FAAP20: variants seen among roughly 807,000 people sequenced by gnomAD.
The protein encoded by FAAP20 is FA core complex associated protein 20.
FAAP20 carries 12 observed loss-of-function variants against 16.2 expected under a neutral mutation model. That is an observed-to-expected ratio of 0.74 (90% CI 0.48 to 1.20). FAAP20 has a LOEUF of 1.20. Ranked by LOEUF, FAAP20 falls within the 50% of genes most tolerant of loss-of-function variation. The probability of loss-of-function intolerance (pLI) is 0.00; values close to 1 mark genes in which losing one functional copy is unlikely to be tolerated. For synonymous variants in FAAP20, 141 were observed against 110.7 expected, an observed-to-expected ratio of 1.27 and a Z score of -1.72; for missense variants, 288 against 245.8, an observed-to-expected ratio of 1.17 and a Z score of -1.15.
chr1:2,203,016 G>C (rs1689106975), upstream of FAAP20, among the ~76,000 whole-genome samples: 1 of 152,194 alleles, frequency 6.6e-6, no homozygotes, highest in African/African-American at 2.4e-5. Context: ...CTGGTGACTG[G>C]ACAACAGTGC....
chr1:2,188,471 G>A (rs957182443), downstream of FAAP20, among the ~76,000 whole-genome samples: 2 of 152,136 alleles, frequency 1.3e-5, no homozygotes, highest in Non-Finnish European at 2.9e-5. Context: ...TCCAGAGGAC[G>A]GCCCTCTTCT....
chr1:2,211,260 G>A (rs544180709), downstream of FAAP20, among the ~76,000 whole-genome samples: 10 of 121,428 alleles, frequency 8.2e-5, no homozygotes, highest in South Asian at 2.1e-3. Flanking sequence ...ACGGAGTTTC[G>A]CTCTTGTTGC....
chr1:2,197,928 G>A (rs578141703), upstream of FAAP20: 16 of 1,226,526 alleles, frequency 1.3e-5, no homozygotes, highest in East Asian at 8.2e-4. Flanking sequence ...ACAGCTGCCT[G>A]CCAGCCGAGG....
chr1:2,201,126 G>C (rs2100735411), upstream of FAAP20: 1 of 1,286,076 alleles, frequency 7.8e-7, no homozygotes, highest in African/African-American at 1.5e-5. Flanking sequence ...GTGAACTGTG[G>C]GCTCCAACCC....
chr1:2,187,246 C>T (rs762004076), downstream of FAAP20: 3 of 443,732 alleles, frequency 6.8e-6, no homozygotes, highest in Non-Finnish European at 1.4e-5. Flanking sequence ...TCATTAAAAG[C>T]AGGTGTTTCC....
chr1:2,201,386 GTCT>G (rs1689042134), upstream of FAAP20, among the ~76,000 whole-genome samples: 2 of 152,202 alleles, frequency 1.3e-5, no homozygotes, highest in African/African-American at 4.8e-5. Flanking sequence ...GGGGGCTTAG[GTCT>G]TCTTTGTTCA....
chr1:2,204,856 G>C (rs1190538156), upstream of FAAP20, among the ~76,000 whole-genome samples: 1 of 150,738 alleles, frequency 6.6e-6, no homozygotes. Flanking sequence ...TTCCTCTGCC[G>C]GACCCTCCTC....
chr1:2,192,399 G>A, intron 3 of FAAP20: 1 of 994,658 alleles, frequency 1.0e-6, no homozygotes, highest in Non-Finnish European at 1.2e-6. Context: ...AATTGAGGCA[G>A]TCTGCCAAGC....
chr1:2,198,704 A>G, upstream of FAAP20: 2 of 1,257,798 alleles, frequency 1.6e-6, no homozygotes, highest in Non-Finnish European at 2.1e-6. Context: ...ACCCCTTCCC[A>G]TGTGGCTAAA....
chr1:2,186,334 C>T (rs541380936), downstream of FAAP20: 48 of 220,474 alleles, frequency 2.2e-4, no homozygotes, highest in East Asian at 6.2e-3. Context: ...AGCAGGTGAG[C>T]GTGGCCCACC....
downstream of FAAP20, chr1:2,185,016 G>A (rs80119748): frequency 1.1e-5 from 17 of 1,607,852 alleles, no homozygotes; most frequent in Admixed American, 6.7e-5. Flanking sequence ...GTGAGGCCGC[G>A]TGCGTCTCTG....
chr1:2,186,243 C>T, downstream of FAAP20: 1 of 283,186 alleles, frequency 3.5e-6, no homozygotes, highest in South Asian at 2.9e-5. Context: ...CATTGTGCGG[C>T]TGGTGGCTTG....
At chr1:2,210,540 A>G (rs1350357528), downstream of FAAP20, among the ~76,000 whole-genome samples, 1 of 152,102 alleles carries the variant, frequency 6.6e-6, no homozygotes, top group Non-Finnish European at 1.5e-5. Context: ...ATGAGACCCC[A>G]GCAACCCCCC....
chr1:2,192,858 T>A (rs933631281), intron 3 of FAAP20: 3 of 1,285,866 alleles, frequency 2.3e-6, no homozygotes, highest in Non-Finnish European at 3.1e-6. Context: ...CCTCAGCCTC[T>A]CAAAGGGCTG....
downstream of FAAP20, among the ~76,000 whole-genome samples, chr1:2,207,909 CGTGTGTGTGTGTGTGT>C (rs58549960): frequency 1.5e-3 from 215 of 145,890 alleles, no homozygotes; most frequent in African/African-American, 4.7e-3. Flanking sequence ...TGGTAACACC[CGTGTGTGTGTGTGTGT>C]GTGTGTGTGT....
chr1:2,202,054 A>AAAG (rs1380942086), upstream of FAAP20, among the ~76,000 whole-genome samples: 3 of 152,064 alleles, frequency 2.0e-5, no homozygotes, highest in African/African-American at 7.2e-5. Flanking sequence ...AGAAAAAGAA[A>AAAG]AAGTGGCCTG....
intron 3 of FAAP20, chr1:2,192,761 G>T: frequency 9.2e-7 from 1 of 1,085,890 alleles, no homozygotes; most frequent in Non-Finnish European, 1.2e-6. Context: ...CCACAGGCAC[G>T]CGCCACCACG....
upstream of FAAP20, among the ~76,000 whole-genome samples, chr1:2,204,240 C>G (rs1331049330): frequency 6.6e-6 from 1 of 152,262 alleles, no homozygotes; most frequent in East Asian, 1.9e-4. Context: ...CCGGTGACCC[C>G]AGGCCCAGGT....
rs769175099 is a variant in FAAP20, at chr1:2,193,659, G to C, written c.450C>G (p.Cys150Trp). 8.1e-6 allele frequency: 13 copies of C among 1,599,806 alleles called. No homozygotes were observed. The highest frequency in any genetic ancestry group is 1.1e-5 in the Non-Finnish European group (13 of 1,176,436). ...GAAALRSCPM[C>W]QKEFAPRLTQ... ...CTCACCTGGGGGCGAACTCCTTCTG[G>C]CACATGGGGCAGCTGCGCAGGGCCG... The change falls in exon 3 of 4, where the codon TGC (cysteine) becomes TGG (tryptophan). Residue 150 changes from cysteine to tryptophan, a missense_variant. Coordinates refer to ENST00000378546, the MANE Select transcript of FAAP20 (RefSeq NM_182533.4).
Sources: gnomAD v4.1 joint callset for allele counts (sites outside exome capture counted in the v4.1 genomes callset) on GRCh38, gnomAD v4.1.1 for gene constraint, MANE v1.5 for transcripts, NCBI Gene and HGNC (gene_info 2026-07-23, HGNC 2026-07-21) for gene names.